The following ZFAND3 variants were observed in gnomAD, a reference collection of about 807,000 sequenced individuals.
ZFAND3 encodes the protein zinc finger AN1-type containing 3, also known as AN1-type zinc finger protein 3.
Under a neutral mutation model 29.6 loss-of-function variants are expected in ZFAND3, and 10 were observed. The observed-to-expected ratio is 0.34, with a 90% CI of 0.21 to 0.57. The LOEUF is 0.57. Among genes scored for constraint, ZFAND3 ranks in the 20% least tolerant of loss-of-function variants. ZFAND3 has a pLI of 0.86. For missense variants in ZFAND3, 230 were observed against 304.5 expected, an observed-to-expected ratio of 0.76 and a Z score of 1.82; for synonymous variants, 128 against 112.6, an observed-to-expected ratio of 1.14 and a Z score of -0.87.
intron 2 of ZFAND3, among the ~76,000 whole-genome samples, chr6:37,939,714 G>T (rs1040077414): frequency 6.6e-6 from 1 of 152,132 alleles, no homozygotes; most frequent in African/African-American, 2.4e-5. Flanking sequence ...CTCTTTTCAT[G>T]TAATTAGACG....
At chr6:37,851,250 G>A (rs1447757770) in intron 1 of ZFAND3, among the ~76,000 whole-genome samples, 13 of 149,492 alleles carry the variant, frequency 8.7e-5, no homozygotes, top group Admixed American at 8.0e-4. Flanking sequence ...GCCTCCTTAC[G>A]TGCTGGGATT....
intron 1 of ZFAND3, among the ~76,000 whole-genome samples, chr6:37,887,671 TG>T (rs1435734083): frequency 1.2e-4 from 18 of 152,216 alleles, no homozygotes; most frequent in African/African-American, 4.3e-4. Flanking sequence ...AAATATACCA[TG>T]TATGCATCTT....
chr6:37,986,878 A>G (rs1401494054), intron 2 of ZFAND3, among the ~76,000 whole-genome samples: 3 of 152,172 alleles, frequency 2.0e-5, no homozygotes, highest in African/African-American at 2.4e-5. Context: ...ATAAGTGACA[A>G]CTATGTCAGT....
At chr6:37,844,841 C>T (rs955113218) in intron 1 of ZFAND3, among the ~76,000 whole-genome samples, 4 of 150,196 alleles carry the variant, frequency 2.7e-5, no homozygotes, top group African/African-American at 7.4e-5. Context: ...GGTGAAACTC[C>T]GTCTCTACTA....
intron 4 of ZFAND3, 74 bp downstream of exon 4, chr6:38,082,531 G>C: frequency 7.1e-7 from 1 of 1,402,268 alleles, no homozygotes; most frequent in East Asian, 2.3e-5. Context: ...GTTCTAACTT[G>C]GTGTGCTTCT....
intron 2 of ZFAND3, among the ~76,000 whole-genome samples, chr6:38,026,404 ATTTGTATTACT>A (rs1415917988): frequency 2.2e-5 from 2 of 92,902 alleles, no homozygotes; most frequent in African/African-American, 8.3e-5. Flanking sequence ...AGCATTTATT[ATTTGTATTACT>A]TTAGGATTTT....
chr6:37,902,475 G>A (rs992931864), intron 1 of ZFAND3, among the ~76,000 whole-genome samples: 1 of 151,966 alleles, frequency 6.6e-6, no homozygotes, highest in African/African-American at 2.4e-5. Flanking sequence ...GAGTGGCAGA[G>A]TGAGACCCTG....
intron 1 of ZFAND3, among the ~76,000 whole-genome samples, chr6:37,823,295 T>A (rs1187072988): frequency 6.6e-6 from 1 of 152,146 alleles, no homozygotes; most frequent in African/African-American, 2.4e-5. Context: ...TGAAGGTGAA[T>A]ATGTTTTAAA....
intron 1 of ZFAND3, among the ~76,000 whole-genome samples, chr6:37,913,691 T>G (rs1382438164): frequency 6.6e-6 from 1 of 151,290 alleles, no homozygotes; most frequent in East Asian, 1.9e-4. Flanking sequence ...TGCCCAGCTG[T>G]CTATGGCAGC....
intron 4 of ZFAND3, among the ~76,000 whole-genome samples, chr6:38,105,118 G>A (rs1765181651): frequency 6.6e-6 from 1 of 152,170 alleles, no homozygotes; most frequent in Non-Finnish European, 1.5e-5. Flanking sequence ...ATATATGTAA[G>A]AGCATTTAGA....
intron 2 of ZFAND3, among the ~76,000 whole-genome samples, chr6:37,956,656 T>G (rs908522950): frequency 6.6e-6 from 1 of 152,188 alleles, no homozygotes; most frequent in Admixed American, 6.5e-5. Context: ...CTTTTTGGGG[T>G]CACGGAACTT....
chr6:37,912,773 A>T (rs1765546133), intron 1 of ZFAND3, among the ~76,000 whole-genome samples: 1 of 152,204 alleles, frequency 6.6e-6, no homozygotes, highest in Admixed American at 6.5e-5. Flanking sequence ...ACTAGTAAAT[A>T]GTCCTGTAGA....
At chr6:38,038,085 GGGC>G (rs1763693031) in intron 2 of ZFAND3, among the ~76,000 whole-genome samples, 1 of 152,180 alleles carries the variant, frequency 6.6e-6, no homozygotes, top group African/African-American at 2.4e-5. Flanking sequence ...TCTGCGTGTA[GGGC>G]CTCCAGGGCT....
At chr6:38,020,902 T>C (rs1763338047) in intron 2 of ZFAND3, among the ~76,000 whole-genome samples, 1 of 152,076 alleles carries the variant, frequency 6.6e-6, no homozygotes, top group South Asian at 2.1e-4. Context: ...CAAAGGATGC[T>C]ATGTAAAATG....
chr6:38,017,924 C>G (rs1055077708), intron 2 of ZFAND3, among the ~76,000 whole-genome samples: 1 of 152,178 alleles, frequency 6.6e-6, no homozygotes, highest in African/African-American at 2.4e-5. Context: ...TTATCTCATT[C>G]TCAAAAGTAT....
intron 2 of ZFAND3, among the ~76,000 whole-genome samples, chr6:37,981,068 G>C (rs1251487985): frequency 3.9e-5 from 6 of 152,204 alleles, no homozygotes; most frequent in Admixed American, 2.6e-4. Context: ...TACATTTAAA[G>C]TACTGAGTTT....
intron 1 of ZFAND3, among the ~76,000 whole-genome samples, chr6:37,914,060 A>C (rs1761183916): frequency 6.6e-6 from 1 of 152,082 alleles, no homozygotes; most frequent in Admixed American, 6.6e-5. Context: ...TTTCTTAATA[A>C]GACTTGAAAG....
intron 3 of ZFAND3, among the ~76,000 whole-genome samples, chr6:38,078,982 A>G (rs112502946): frequency 6.6e-6 from 1 of 152,182 alleles, no homozygotes; most frequent in Non-Finnish European, 1.5e-5. Context: ...AATGTTACCC[A>G]TGTTATATAT....
At chr6:37,836,372 A>G (rs1011655493) in intron 1 of ZFAND3, among the ~76,000 whole-genome samples, 1 of 152,218 alleles carries the variant, frequency 6.6e-6, no homozygotes, top group African/African-American at 2.4e-5. Flanking sequence ...GAACACAGGT[A>G]GAAAAAGATG....
Sources: allele counts gnomAD v4.1 joint callset (sites outside exome capture counted in the v4.1 genomes callset), GRCh38; gene constraint gnomAD v4.1.1; transcripts MANE v1.5; gene names NCBI Gene and HGNC (gene_info 2026-07-23, HGNC 2026-07-21).